The following DGKI variants were observed in gnomAD, a reference collection of about 807,000 sequenced individuals.
DGKI encodes the protein DAG kinase iota.
Under a neutral mutation model 147.5 loss-of-function variants are expected in DGKI, and 55 were observed. That is an observed-to-expected ratio of 0.37 (90% CI 0.30 to 0.47). The LOEUF is 0.47. DGKI is among the 20% of genes least tolerant of loss of function. The pLI, the probability that DGKI is intolerant of heterozygous loss-of-function variation, is 1.00. For missense variants in DGKI, 1,007 were observed against 1,323.8 expected, an observed-to-expected ratio of 0.76 and a Z score of 3.71; for synonymous variants, 469 against 477.1, an observed-to-expected ratio of 0.98 and a Z score of 0.22.
intron 27 of DGKI, among the ~76,000 whole-genome samples, chr7:137,457,231 A>G (rs1388875995): frequency 6.6e-6 from 1 of 152,196 alleles, no homozygotes; most frequent in African/African-American, 2.4e-5. Flanking sequence ...GCCAGGAGCC[A>G]TCTTTATCCT....
intron 8 of DGKI, among the ~76,000 whole-genome samples, chr7:137,616,311 A>T (rs527655061): frequency 7.7e-4 from 117 of 152,326 alleles, no homozygotes; most frequent in Non-Finnish European, 1.4e-3. Flanking sequence ...TGAATGTAAA[A>T]TACTGAAAAC....
At chr7:137,582,055 T>A in intron 14 of DGKI, 127 bp from the exon 15 acceptor site, 1 of 590,562 alleles carries the variant, frequency 1.7e-6, no homozygotes, top group East Asian at 2.6e-5. Flanking sequence ...CAACTCAAAG[T>A]GGAGGGTGCT....
chr7:137,505,574 C>A (rs1307978724), intron 21 of DGKI, among the ~76,000 whole-genome samples: 25 of 152,188 alleles, frequency 1.6e-4, no homozygotes, highest in African/African-American at 5.1e-4. Flanking sequence ...ATGTTCAATG[C>A]TGGCAAGGGT....
intron 21 of DGKI, chr7:137,493,842 A>G: frequency 1.4e-6 from 1 of 698,438 alleles, no homozygotes; most frequent in Non-Finnish European, 2.6e-6. Flanking sequence ...AATAGCTGAA[A>G]TGACAGAAAT....
rs540188555 is a variant in DGKI at position 137,578,107 on chromosome 7, C to T, written c.1698+163G>A. Among the ~76,000 whole-genome samples the T allele has an allele frequency of 1.2e-4, 18 of 152,290 alleles. No homozygotes were observed. The South Asian group carries it at 3.7e-3, about 32-fold the overall frequency. The stretch of plus-strand genomic sequence containing the variant: ...CTGACAGCTAACTTAAGAAATACAC[C>T]TCACTTTCATTCTTAAGCCCAGCCA... On this transcript the variant is annotated intron_variant, in intron 16 of 32. Coordinates refer to ENST00000614521, the MANE Select transcript of DGKI (RefSeq NM_001321708.2).
intron 6 of DGKI, among the ~76,000 whole-genome samples, chr7:137,638,286 T>C (rs1411876760): frequency 2.0e-5 from 3 of 151,686 alleles, no homozygotes; most frequent in Admixed American, 6.6e-5. Context: ...CGTCTCTTCT[T>C]TCCTCTCCAT....
intron 1 of DGKI, among the ~76,000 whole-genome samples, chr7:137,742,510 C>T (rs894856169): frequency 5.9e-5 from 9 of 152,060 alleles, no homozygotes; most frequent in Non-Finnish European, 8.8e-5. Flanking sequence ...CAGTAGCTCC[C>T]GTCACTCCCA....
chr7:137,822,419 A>T (rs527470877), intron 1 of DGKI, among the ~76,000 whole-genome samples: 90 of 151,916 alleles, frequency 5.9e-4, no homozygotes, highest in African/African-American at 6.5e-4. Flanking sequence ...AAATAATAAT[A>T]ATTATTATTA....
intron 23 of DGKI, among the ~76,000 whole-genome samples, chr7:137,478,318 T>C (rs1179175295): frequency 6.6e-6 from 1 of 152,204 alleles, no homozygotes; most frequent in Non-Finnish European, 1.5e-5. Context: ...ATAAACTTTT[T>C]ATGCTCGCAC....
chr7:137,508,390 C>A (rs1376634836), intron 21 of DGKI, among the ~76,000 whole-genome samples: 1 of 151,894 alleles, frequency 6.6e-6, no homozygotes, highest in Non-Finnish European at 1.5e-5. Context: ...CCATGTCCAG[C>A]TAATTTTTTG....
At chr7:137,773,232 A>G (rs564610909) in intron 1 of DGKI, among the ~76,000 whole-genome samples, 1 of 152,364 alleles carries the variant, frequency 6.6e-6, no homozygotes, top group South Asian at 2.1e-4. Flanking sequence ...CATATTAGCA[A>G]AAACAAATGC....
intron 14 of DGKI, 44 bp from the exon 15 acceptor site, chr7:137,581,972 G>A (rs779412798): frequency 6.6e-7 from 1 of 1,509,602 alleles, no homozygotes; most frequent in East Asian, 2.3e-5. Flanking sequence ...TGTGTGGCCA[G>A]GCAGAAAGAG....
chr7:137,585,059 T>C (rs1223633657), intron 14 of DGKI, 150 bp downstream of exon 14: 2 of 847,736 alleles, frequency 2.4e-6, no homozygotes, highest in African/African-American at 1.7e-5. Context: ...GGTAATATTA[T>C]ACACATAGCC....
chr7:137,700,651 G>A (rs949102351), intron 1 of DGKI, among the ~76,000 whole-genome samples: 1 of 152,138 alleles, frequency 6.6e-6, no homozygotes, highest in Non-Finnish European at 1.5e-5. Context: ...GCCAAGGCAG[G>A]TGGATCACCT....
At chr7:137,666,332 G>A (rs1563140423) in intron 3 of DGKI, among the ~76,000 whole-genome samples, 1 of 152,202 alleles carries the variant, frequency 6.6e-6, no homozygotes, top group African/African-American at 2.4e-5. Flanking sequence ...AAGCCCAGGA[G>A]TTTGAGGCTG....
At chr7:137,618,411 G>C (rs1173148833) in intron 8 of DGKI, among the ~76,000 whole-genome samples, 2 of 150,706 alleles carry the variant, frequency 1.3e-5, no homozygotes, top group Admixed American at 6.7e-5. Context: ...CTACTCCACA[G>C]ACCTAAATCT....
chr7:137,787,917 A>C (rs906527836), intron 1 of DGKI, among the ~76,000 whole-genome samples: 1 of 152,104 alleles, frequency 6.6e-6, no homozygotes, highest in African/African-American at 2.4e-5. Context: ...CAAGGGAAAA[A>C]AGACTACACA....
At chr7:137,418,374 T>C (rs1402635693) in intron 28 of DGKI, among the ~76,000 whole-genome samples, 1 of 152,206 alleles carries the variant, frequency 6.6e-6, no homozygotes, top group African/African-American at 2.4e-5. Flanking sequence ...ACTGATGTTT[T>C]TAGCCCCATC....
intron 3 of DGKI, among the ~76,000 whole-genome samples, chr7:137,672,780 T>G (rs1822893822): frequency 7.2e-6 from 1 of 138,298 alleles, no homozygotes; most frequent in South Asian, 2.6e-4. Context: ...TTTTTTTTTT[T>G]TTTTTTTTTT....
Sources: gnomAD v4.1 joint callset for allele counts (sites outside exome capture counted in the v4.1 genomes callset) on GRCh38, gnomAD v4.1.1 for gene constraint, MANE v1.5 for transcripts, NCBI Gene and HGNC (gene_info 2026-07-23, HGNC 2026-07-21) for gene names.